RANBP2: variants seen among roughly 807,000 people sequenced by gnomAD.
RANBP2 encodes RAN binding protein 2, also known as E3 SUMO-protein ligase RanBP2.
In RANBP2, 57 loss-of-function variants were observed where a neutral mutation model predicts 303.6. The ratio of observed to expected loss-of-function variants is 0.19; its 90% CI spans 0.15 to 0.23. The LOEUF is 0.23. Among genes scored for constraint, RANBP2 ranks in the 10% least tolerant of loss-of-function variants. The pLI is 1.00. For synonymous variants in RANBP2, 1,167 were observed against 1,301.5 expected (o/e 0.90, Z 2.23); for missense variants, 3,138 against 3,780.8 (o/e 0.83, Z 4.46).
the RANBP2 span, among the ~76,000 whole-genome samples, chr2:109,328,168 G>A: frequency 6.6e-6 from 1 of 152,198 alleles, no homozygotes; most frequent in Non-Finnish European, 1.5e-5. Context: ...AGAATTAACA[G>A]TAGTTGCCTG....
chr2:109,704,773 C>T, the RANBP2 span, among the ~76,000 whole-genome samples: 2 of 151,386 alleles, frequency 1.3e-5, no homozygotes, highest in African/African-American at 4.9e-5. Flanking sequence ...ATCACTTGAA[C>T]CTGGGAGGTG....
At chr2:109,335,513 T>C in the RANBP2 span, among the ~76,000 whole-genome samples, 2 of 152,156 alleles carry the variant, frequency 1.3e-5, no homozygotes, top group Admixed American at 1.3e-4. Flanking sequence ...TCAGTTACCT[T>C]CTCGATGATG....
the RANBP2 span, among the ~76,000 whole-genome samples, chr2:109,567,265 C>T: frequency 2.0e-5 from 3 of 152,258 alleles, no homozygotes; most frequent in South Asian, 6.2e-4. Flanking sequence ...TGTCAGATTT[C>T]AAAACCCATG....
chr2:108,981,918 A>C, the RANBP2 span, among the ~76,000 whole-genome samples: 5 of 152,332 alleles, frequency 3.3e-5, no homozygotes, highest in South Asian at 1.0e-3. Flanking sequence ...ATGCCCAATA[A>C]ATGTGGGTTT....
At chr2:109,217,523 A>C in the RANBP2 span, among the ~76,000 whole-genome samples, 1 of 152,224 alleles carries the variant, frequency 6.6e-6, no homozygotes, top group Non-Finnish European at 1.5e-5. Flanking sequence ...GGGCTTCCCC[A>C]GACTTCAAGT....
At chr2:108,781,608 A>G (rs1175002326) in intron 26 of RANBP2, among the ~76,000 whole-genome samples, 179 bp downstream of exon 26, 1 of 152,232 alleles carries the variant, frequency 6.6e-6, no homozygotes, top group Non-Finnish European at 1.5e-5. Context: ...CAGTTTTTAC[A>G]TAAATATTGG....
At chr2:109,256,455 C>T in the RANBP2 span, among the ~76,000 whole-genome samples, 69 of 151,424 alleles carry the variant, frequency 4.6e-4, 1 homozygote, top group Middle Eastern at 3.4e-3. Context: ...AACAGGGAGA[C>T]GAGTGCTCTC....
chr2:108,791,599 TTTG>T, the RANBP2 span: 1 of 1,499,816 alleles, frequency 6.7e-7, no homozygotes, highest in Non-Finnish European at 9.2e-7. Context: ...GCTGTTAATA[TTTG>T]AAAAGCAGTT....
At chr2:108,794,932 G>T in the RANBP2 span, among the ~76,000 whole-genome samples, 1 of 151,952 alleles carries the variant, frequency 6.6e-6, no homozygotes, top group Non-Finnish European at 1.5e-5. Flanking sequence ...GTTTTTATTT[G>T]TAGGTGTGTG....
the RANBP2 span, among the ~76,000 whole-genome samples, chr2:109,073,362 G>A: frequency 1.3e-5 from 2 of 152,098 alleles, no homozygotes; most frequent in Non-Finnish European, 2.9e-5. Context: ...TTCAGTCACA[G>A]CATTAAAAAG....
the RANBP2 span, among the ~76,000 whole-genome samples, chr2:109,388,545 G>T: frequency 6.6e-6 from 1 of 152,240 alleles, no homozygotes; most frequent in Non-Finnish European, 1.5e-5. Flanking sequence ...GCTCTGTAGA[G>T]GGGTGAGAAG....
the RANBP2 span, among the ~76,000 whole-genome samples, chr2:109,064,809 T>G: frequency 6.6e-6 from 1 of 152,176 alleles, no homozygotes; most frequent in East Asian, 1.9e-4. Context: ...TTGATGTGCC[T>G]GGGGCTCTGT....
the RANBP2 span, among the ~76,000 whole-genome samples, chr2:109,606,240 C>T: frequency 1.3e-5 from 2 of 152,078 alleles, no homozygotes; most frequent in African/African-American, 4.8e-5. Flanking sequence ...CATGGTGAAA[C>T]CCCGCTTCTA....
At chr2:109,615,298 C>T in the RANBP2 span, 15 of 1,601,450 alleles carry the variant, frequency 9.4e-6, no homozygotes, top group African/African-American at 2.7e-5. Context: ...CTGGAGCACG[C>T]GTGGATGCTC....
chr2:109,249,368 C>T, the RANBP2 span, among the ~76,000 whole-genome samples: 1 of 152,164 alleles, frequency 6.6e-6, no homozygotes, highest in Non-Finnish European at 1.5e-5. Flanking sequence ...GGTATTATTG[C>T]CATGACTACA....
At chr2:109,427,461 T>C in the RANBP2 span, among the ~76,000 whole-genome samples, 219 of 152,298 alleles carry the variant, frequency 1.4e-3, 1 homozygote, top group African/African-American at 2.0e-3. Context: ...CCCACAGGTA[T>C]GCCTGTACCT....
the RANBP2 span, among the ~76,000 whole-genome samples, chr2:109,407,535 A>ACTT: frequency 6.6e-6 from 1 of 152,214 alleles, no homozygotes; most frequent in Admixed American, 6.5e-5. Context: ...GAGCTGAAGC[A>ACTT]GGACCTTCCT....
At chr2:109,317,326 C>T in the RANBP2 span, among the ~76,000 whole-genome samples, 4 of 152,076 alleles carry the variant, frequency 2.6e-5, no homozygotes, top group Non-Finnish European at 4.4e-5. Flanking sequence ...CCTGAGGGGG[C>T]GTCTGTGGGC....
the RANBP2 span, among the ~76,000 whole-genome samples, chr2:108,949,026 G>GTACCACTCC: frequency 6.6e-6 from 1 of 152,188 alleles, no homozygotes; most frequent in African/African-American, 2.4e-5. Context: ...ACCCAGGCTG[G>GTACCACTCC]AGTGCAGTGG....
Sources: allele counts gnomAD v4.1 joint callset (sites outside exome capture counted in the v4.1 genomes callset), GRCh38; gene constraint gnomAD v4.1.1; transcripts MANE v1.5; gene names NCBI Gene and HGNC (gene_info 2026-07-23, HGNC 2026-07-21).